Variants in RIC8B observed in about 807,000 individuals in gnomAD.
RIC8B encodes RIC8 guanine nucleotide exchange factor B, also known as chaperone Ric-8B.
RIC8B carries 16 observed loss-of-function variants against 57.5 expected under a neutral mutation model. The observed-to-expected ratio is 0.28, with a 90% CI of 0.19 to 0.42. RIC8B has a LOEUF of 0.42. Among genes scored for constraint, RIC8B ranks in the 10% least tolerant of loss-of-function variants. RIC8B has a pLI of 1.00. For missense variants in RIC8B, 481 were observed against 677.0 expected (o/e 0.71, Z 3.21); for synonymous variants, 216 against 250.8 (o/e 0.86, Z 1.31).
At chr12:106,810,285 G>A (rs1358657657) in intron 2 of RIC8B, among the ~76,000 whole-genome samples, 2 of 142,000 alleles carry the variant, frequency 1.4e-5, no homozygotes, top group Admixed American at 7.2e-5. Flanking sequence ...AAATCATACA[G>A]CTGGTAAAAA....
In RIC8B at chr12:106,879,678, G is replaced by A. The variant is rs1950837184; in HGVS notation, c.1572-6226G>A. Reference sequence around the variant, plus strand: ...CAAAATAGGGTTTCCTTTCTTGGACGTGCTTTATCTGTGTCCTCTTGCCTG... The same window carrying A: ...CAAAATAGGGTTTCCTTTCTTGGACATGCTTTATCTGTGTCCTCTTGCCTG... On this transcript the variant is annotated intron_variant, in intron 9 of 9. Coordinates refer to ENST00000392837, the MANE Select transcript of RIC8B (RefSeq NM_001330145.2). This position sits in a 1 kb window ranked among gnomAD's most constrained non-coding sequence, Gnocchi z 4.9. 5 of 985,232 alleles carry A rather than the reference G, an allele frequency of 5.1e-6. No individual in the cohort carries two copies. The highest frequency in any genetic ancestry group is 1.2e-4 in the Admixed American group (2 of 16,236). The allele number at this position is 985,232 out of a possible 1,614,324, so 61.0% of individuals were successfully genotyped here.
chr12:106,849,527 A>G (rs1949367722), intron 6 of RIC8B, among the ~76,000 whole-genome samples: 1 of 151,920 alleles, frequency 6.6e-6, no homozygotes, highest in Admixed American at 6.6e-5. Context: ...AGAAGGTTAG[A>G]AAAAAGAAAC....
intron 6 of RIC8B, among the ~76,000 whole-genome samples, chr12:106,846,429 T>G (rs1015300041): frequency 6.6e-6 from 1 of 152,146 alleles, no homozygotes; most frequent in Non-Finnish European, 1.5e-5. Flanking sequence ...CTAGAAACAC[T>G]AATAGGTAGT....
In RIC8B at chr12:106,879,310, A is replaced by G; in HGVS notation, c.1572-6594A>G. The G allele has an allele frequency of 1.0e-6, 1 of 985,350 alleles. No homozygotes were observed. Among genetic ancestry groups the G allele is most frequent in the Non-Finnish European group, 1.2e-6 (1 of 829,900 alleles). The allele number at this position is 985,350 out of a possible 1,614,324, so 61.0% of individuals were successfully genotyped here. Reference sequence around the variant, plus strand: ...TTTCAGGTCAAGTAAAGTGTTTTATACACATACACGTCTGACCTATTCTAT... The same window carrying G: ...TTTCAGGTCAAGTAAAGTGTTTTATGCACATACACGTCTGACCTATTCTAT... On this transcript the variant is annotated intron_variant, in intron 9 of 9. Coordinates refer to ENST00000392837, the MANE Select transcript of RIC8B (RefSeq NM_001330145.2). This position sits in a 1 kb window ranked among gnomAD's most constrained non-coding sequence, Gnocchi z 4.9.
chr12:106,808,095 A>G lies in RIC8B; in HGVS notation c.133-6601A>G, dbSNP rs892153162. On this transcript the variant is annotated intron_variant, in intron 2 of 9. Coordinates refer to ENST00000392837, the MANE Select transcript of RIC8B (RefSeq NM_001330145.2). ...GCGAGACTCTGTCTCAAAAAAAAAAAAAAAAATTAGGGGAAAAAACCTCCC... is the reference window on the plus strand; with the variant it reads ...GCGAGACTCTGTCTCAAAAAAAAAAGAAAAAATTAGGGGAAAAAACCTCCC... 2.4e-4 allele frequency among the ~76,000 whole-genome samples: 36 copies of G among 152,198 alleles called. 1 individual carries two copies. In the East Asian group the frequency reaches 6.2e-3, roughly 26 times the overall value.
chr12:106,852,811 T>C (rs1050693969), intron 7 of RIC8B, among the ~76,000 whole-genome samples: 3 of 152,222 alleles, frequency 2.0e-5, no homozygotes, highest in South Asian at 4.1e-4. Flanking sequence ...TACTTCTTCT[T>C]TAATGACTTT....
chr12:106,815,407 G>C (rs1267542109), intron 3 of RIC8B, 103 bp downstream of exon 3: 1 of 1,223,894 alleles, frequency 8.2e-7, no homozygotes, highest in Non-Finnish European at 1.1e-6. Flanking sequence ...AATGGAAAAA[G>C]TTCCCACTTC....
At chr12:106,860,604 T>C (rs550246466) in intron 8 of RIC8B, among the ~76,000 whole-genome samples, 192 bp downstream of exon 8, 1 of 152,250 alleles carries the variant, frequency 6.6e-6, no homozygotes, top group African/African-American at 2.4e-5. Context: ...AGGCTAATAA[T>C]GCAAGAAATG....
intron 4 of RIC8B, among the ~76,000 whole-genome samples, chr12:106,836,412 A>G (rs1346766635): frequency 6.6e-6 from 1 of 152,058 alleles, no homozygotes; most frequent in Non-Finnish European, 1.5e-5. Flanking sequence ...TAACATCTCC[A>G]CTTGGATGTC....
intron 4 of RIC8B, among the ~76,000 whole-genome samples, chr12:106,835,509 A>T (rs1012519202): frequency 6.6e-6 from 1 of 152,202 alleles, no homozygotes; most frequent in Non-Finnish European, 1.5e-5. Context: ...TACCCACATC[A>T]ACCTGGTAAG....
intron 3 of RIC8B, among the ~76,000 whole-genome samples, chr12:106,816,579 T>G (rs1304896509): frequency 7.2e-5 from 11 of 152,220 alleles, no homozygotes. Context: ...GCTGTTTGTT[T>G]TGGGGTTTTT....
chr12:106,837,569 G>A (rs2046662445), intron 4 of RIC8B, among the ~76,000 whole-genome samples: 1 of 149,848 alleles, frequency 6.7e-6, no homozygotes, highest in Non-Finnish European at 1.5e-5. Flanking sequence ...CCTGGCATAA[G>A]TAAATAATAA....
intron 2 of RIC8B, among the ~76,000 whole-genome samples, chr12:106,810,389 C>T (rs1352859366): frequency 1.3e-5 from 2 of 151,818 alleles, no homozygotes; most frequent in African/African-American, 4.8e-5. Context: ...ACGTTTTCTT[C>T]GTAAAAAAGA....
chr12:106,852,408 T>G (rs1376244535), intron 7 of RIC8B, among the ~76,000 whole-genome samples: 1 of 152,210 alleles, frequency 6.6e-6, no homozygotes. Flanking sequence ...ATGGAAAAGT[T>G]CACTCCTCCT....
At chr12:106,775,452 A>G in intron 1 of RIC8B, 2 of 436,928 alleles carry the variant, frequency 4.6e-6, no homozygotes, top group Non-Finnish European at 4.6e-6. Context: ...TGTAACTCCT[A>G]ATGATACCTG....
chr12:106,860,409 C>T lies in RIC8B; in HGVS notation c.1448C>T (p.Pro483Leu). 3 of 1,554,536 alleles carry T rather than the reference C, an allele frequency of 1.9e-6. No individual in the cohort carries two copies. The highest frequency in any genetic ancestry group is 2.6e-6 in the Non-Finnish European group (3 of 1,151,260). ...ACTGAAGAATACAAAAATGCAAAAC[C>T]AAAGTATAGTATCAAATTTCTTTTC... ...TDTEEYKNAK[P>L]NINLITGHLE... Residue 483 changes from proline to leucine, a missense_variant, in exon 8 of 10, where the codon CCA becomes CTA. Pro to Leu is a moderately conservative substitution (Grantham distance 98). This residue lies in a region of RIC8B where 43 missense variants were observed against 99.8 expected (regional missense o/e 0.43). Transcript: ENST00000392837.
chr12:106,781,337 C>A (rs1327783850), intron 1 of RIC8B, among the ~76,000 whole-genome samples: 2 of 152,166 alleles, frequency 1.3e-5, no homozygotes, highest in Non-Finnish European at 2.9e-5. Flanking sequence ...TGTTGGCTAA[C>A]AGTTCTAGAA....
chr12:106,785,809 C>CTG (rs1208535435), intron 2 of RIC8B, among the ~76,000 whole-genome samples: 1 of 128,118 alleles, frequency 7.8e-6, no homozygotes, highest in African/African-American at 3.0e-5. Flanking sequence ...CTCTCTCTCT[C>CTG]TCTCTGTGTG....
At position 106,815,192 on chromosome 12, in the gene RIC8B, C is replaced by T. The variant is rs537750493; in HGVS notation, c.629C>T (p.Ser210Leu). The part of the protein sequence containing the change: ...FSIKWTDEYE[S>L]AIDHNGPPLS... ...ATCAAGTGGACCGATGAGTATGAAT[C>T]GGCCATAGACCATAATGGACCTCCT... The change falls in exon 3 of 10, where the codon TCG (serine) becomes TTG (leucine). Residue 210 changes from serine (S) to leucine (L), a missense_variant. Around this residue, in one of 3 missense-constraint regions of RIC8B, gnomAD observed 421 missense variants for 560.9 expected, o/e 0.75. Coordinates refer to ENST00000392837, the MANE Select transcript of RIC8B (RefSeq NM_001330145.2). 1.4e-5 allele frequency: 23 copies of T among 1,614,210 alleles called. No homozygotes were observed. Among genetic ancestry groups the T allele is most frequent in the East Asian group, 4.5e-5 (2 of 44,888 alleles).
Sources: allele counts gnomAD v4.1 joint callset (sites outside exome capture counted in the v4.1 genomes callset), GRCh38; gene constraint gnomAD v4.1.1; regional missense constraint gnomAD v4.1.1; non-coding constraint Gnocchi (gnomAD v3.1); transcripts MANE v1.5; gene names NCBI Gene and HGNC (gene_info 2026-07-23, HGNC 2026-07-21).